FNBP4: variants seen among roughly 807,000 people sequenced by gnomAD.
FNBP4 encodes formin-binding protein 4.
FNBP4 carries 34 observed loss-of-function variants against 119.3 expected under a neutral mutation model. The observed-to-expected ratio is 0.28, with a 90% CI of 0.22 to 0.38. The LOEUF (loss-of-function observed/expected upper bound fraction) is 0.38. Among genes scored for constraint, FNBP4 ranks in the 10% least tolerant of loss-of-function variants. The pLI is 1.00. For synonymous variants in FNBP4, 462 were observed against 430.6 expected, an observed-to-expected ratio of 1.07 and a Z score of -0.90; for missense variants, 1,112 against 1,228.9, an observed-to-expected ratio of 0.90 and a Z score of 1.42.
At chr11:47,738,847 A>ATTTTTTTTTTTTTTTTTTTTT (rs71045510) in intron 8 of FNBP4, among the ~76,000 whole-genome samples, 7 of 110,988 alleles carry the variant, frequency 6.3e-5, no homozygotes, top group East Asian at 2.8e-4. Context: ...TGCCCAGGTA[A>ATTTTTTTTTTTTTTTTTTTTT]TTTTTTTTTT....
chr11:47,734,766 A>G (rs2097571672), intron 9 of FNBP4, among the ~76,000 whole-genome samples: 1 of 151,860 alleles, frequency 6.6e-6, no homozygotes, highest in South Asian at 2.1e-4. Context: ...CAAGGTCAAT[A>G]GATAGAGACC....
intron 12 of FNBP4, 103 bp downstream of exon 12, chr11:47,731,270 GA>G (rs2097567074): frequency 5.2e-6 from 6 of 1,144,580 alleles, no homozygotes; most frequent in Non-Finnish European, 7.2e-6. Context: ...TTCTCAATCA[GA>G]AGCTTATATT....
Position 47,734,025 on chromosome 11 carries a change from C to G in FNBP4, c.1686G>C (p.Glu562Asp), listed in dbSNP as rs1264833358. The G allele has an allele frequency of 7.1e-7, 1 of 1,399,816 alleles. No individual in the cohort carries two copies. The highest frequency in any genetic ancestry group is 2.4e-5 in the East Asian group (1 of 41,662). 86.7% of individuals were successfully genotyped at this position (1,399,816 alleles called of 1,614,324 possible). A position where few individuals can be genotyped will look rare whatever the true frequency, so the allele number is the denominator to read the frequency against. ...SNFHVLLLQT[E>D]TRIADWREGA... ...CAAAAAAAAAAAAAAAAAGACTTACCTCAGTCTGTAAGAGCAGCACATGAA... is the reference window on the plus strand; with the variant it reads ...CAAAAAAAAAAAAAAAAAGACTTACGTCAGTCTGTAAGAGCAGCACATGAA... Residue 562 changes from glutamate (E) to aspartate (D), a missense_variant and splice_region_variant, in exon 10 of 17, where the codon GAG (glutamate) becomes GAC (aspartate). Around this residue, in one of 2 missense-constraint regions of FNBP4, gnomAD observed 826 missense variants for 988.8 expected, o/e 0.84. Coordinates refer to ENST00000263773, the MANE Select transcript of FNBP4 (RefSeq NM_015308.5).
At chr11:47,736,804 T>C in intron 8 of FNBP4, 64 bp from the exon 9 acceptor site, 2 of 1,389,098 alleles carry the variant, frequency 1.4e-6, no homozygotes, top group Non-Finnish European at 2.0e-6. Flanking sequence ...ATATACCTTT[T>C]CCCCCATAGC....
intron 16 of FNBP4, among the ~76,000 whole-genome samples, chr11:47,718,054 CTTAT>C (rs954890315): frequency 7.2e-5 from 11 of 151,884 alleles, no homozygotes; most frequent in Non-Finnish European, 1.5e-4. Flanking sequence ...CGTGCCCGGC[CTTAT>C]TTATTTTATA....
At chr11:47,751,544 G>A (rs2097604008) in intron 4 of FNBP4, among the ~76,000 whole-genome samples, 1 of 151,720 alleles carries the variant, frequency 6.6e-6, no homozygotes, top group South Asian at 2.1e-4. Context: ...GACAGACATT[G>A]TCAAATATCC....
At chr11:47,751,397 C>T in intron 4 of FNBP4, 107 bp from the exon 5 acceptor site, 1 of 1,303,596 alleles carries the variant, frequency 7.7e-7, no homozygotes, top group South Asian at 1.3e-5. Context: ...GCACTGTTAA[C>T]TTTTGGGCAC....
In FNBP4 at chr11:47,765,374, A is replaced by AAAAAAG. The variant is rs1554991224; in HGVS notation, c.221-13_221-12insCTTTTT. ...CGCTTCCTGTTCATCTGGATTAAAA[A>AAAAAAG]AAAAGAAAAGAAAAGAAAAGAAAAG... is the stretch of plus-strand genomic sequence containing the variant. On this transcript the variant is annotated splice_polypyrimidine_tract_variant and intron_variant, in intron 1 of 16. Coordinates refer to ENST00000263773, the MANE Select transcript of FNBP4 (RefSeq NM_015308.5). 41 of 1,033,422 alleles carry AAAAAAG rather than the reference A, an allele frequency of 4.0e-5. No homozygotes were observed. Among genetic ancestry groups the AAAAAAG allele is most frequent in the South Asian group, 1.0e-4 (7 of 69,382 alleles). 64.0% of individuals were successfully genotyped at this position (1,033,422 alleles called of 1,614,324 possible). A position where few individuals can be genotyped will look rare whatever the true frequency, so the allele number is the denominator to read the frequency against.
intron 16 of FNBP4, among the ~76,000 whole-genome samples, chr11:47,717,886 G>A (rs1322889513): frequency 6.6e-6 from 1 of 151,020 alleles, no homozygotes; most frequent in African/African-American, 2.4e-5. Context: ...CAGAGTAGCT[G>A]GGATTACAGG....
chr11:47,729,194 T>TC (rs1453929812), intron 12 of FNBP4: 4 of 985,010 alleles, frequency 4.1e-6, no homozygotes, highest in Non-Finnish European at 4.8e-6. Context: ...TCCTTAATTT[T>TC]CCCCCCAAAG....
At chr11:47,749,096 A>AAAAC (rs10688485) in intron 6 of FNBP4, among the ~76,000 whole-genome samples, 59,250 of 149,282 alleles carry the variant, frequency 0.4, 12,184 homozygotes, top group African/African-American at 0.49. Flanking sequence ...CGTCTCTCAA[A>AAAAC]AAACAAACAA....
At chr11:47,733,182 C>T (rs2097569504) in intron 10 of FNBP4, among the ~76,000 whole-genome samples, 2 of 152,208 alleles carry the variant, frequency 1.3e-5, no homozygotes. Context: ...TATATTTTAA[C>T]ACTACCAACT....
At chr11:47,740,205 G>A (rs570764866) in intron 8 of FNBP4, among the ~76,000 whole-genome samples, 4 of 151,790 alleles carry the variant, frequency 2.6e-5, no homozygotes, top group East Asian at 4.0e-4. Flanking sequence ...ACCTGAGGTC[G>A]GGAGTTCGAG....
chr11:47,747,704 C>T (rs527384119), intron 6 of FNBP4, among the ~76,000 whole-genome samples: 5 of 152,242 alleles, frequency 3.3e-5, no homozygotes, highest in South Asian at 2.1e-4. Context: ...AATTCCAGCA[C>T]TTTGGGAGGC....
Position 47,767,262 on chromosome 11 carries a change from G to C in FNBP4, c.27C>G (p.Pro9=). MGKKSRAV[P]GRRPILQLSP... ...AGAGTTGCAGGATGGGCCTACGGCC[G>C]GGTACCGCCCGGGACTTCTTCCCCA... Residue 9 remains proline, a synonymous_variant, in exon 1 of 17, where the codon CCC becomes CCG. Coordinates refer to ENST00000263773, the MANE Select transcript of FNBP4 (RefSeq NM_015308.5). 2 of 1,553,406 alleles carry C rather than the reference G, an allele frequency of 1.3e-6. No individual in the cohort carries two copies. The highest frequency in any genetic ancestry group is 1.7e-6 in the Non-Finnish European group (2 of 1,158,304).
At position 47,744,015 on chromosome 11, in the gene FNBP4, G is replaced by A; in HGVS notation, c.1394C>T (p.Pro465Leu). The change falls in exon 8 of 17, where the codon CCA becomes CTA. Residue 465 changes from proline to leucine, a missense_variant. Physicochemically the swap from Pro to Leu is moderately conservative, Grantham distance 98. Around this residue, in one of 2 missense-constraint regions of FNBP4, gnomAD observed 826 missense variants for 988.8 expected, o/e 0.84. Coordinates refer to ENST00000263773, the MANE Select transcript of FNBP4 (RefSeq NM_015308.5). ...KWKMFVRATS[P>L]ESTSRSSSKT... is the part of the protein sequence containing the mutation. The stretch of plus-strand genomic sequence containing the variant: ...ACTAGAACTCCTACTGGTAGATTCT[G>A]GACTGGTAGCTCGAACAAACATCTT... 1 of 1,614,104 alleles carries A rather than the reference G, an allele frequency of 6.2e-7. No homozygotes were observed. The highest frequency in any genetic ancestry group is 2.2e-5 in the East Asian group (1 of 44,882).
chr11:47,759,356 C>T (rs2097627760), intron 2 of FNBP4, among the ~76,000 whole-genome samples: 1 of 150,972 alleles, frequency 6.6e-6, no homozygotes, highest in Admixed American at 6.6e-5. Context: ...GGATTATAGG[C>T]GTGCACCACC....
rs774728678 is a variant in FNBP4, at chr11:47,725,698, G to A, written c.2009-920C>T. 1,358 of 781,258 alleles carry A rather than the reference G, an allele frequency of 1.7e-3. 4 individuals carry two copies. The highest frequency in any genetic ancestry group is 2.0e-3 in the Non-Finnish European group (1,317 of 643,948). 48.4% of individuals were successfully genotyped at this position (781,258 alleles called of 1,614,324 possible). A position where few individuals can be genotyped will look rare whatever the true frequency, so the allele number is the denominator to read the frequency against. ...TTGATTACTGTCTTTTCTCTGCTGG[G>A]AAAACCTTTAAAGATTAGAGAAAAT... On this transcript the variant is annotated intron_variant, in intron 12 of 16. Transcript: ENST00000263773.
At chr11:47,761,772 AAAC>A (rs1565168157) in intron 2 of FNBP4, among the ~76,000 whole-genome samples, 1 of 152,180 alleles carries the variant, frequency 6.6e-6, no homozygotes, top group Non-Finnish European at 1.5e-5. Context: ...ATTTTATTAA[AAAC>A]AACAACAAAG....
Sources: allele counts gnomAD v4.1 joint callset (sites outside exome capture counted in the v4.1 genomes callset), GRCh38; gene constraint gnomAD v4.1.1; regional missense constraint gnomAD v4.1.1; transcripts MANE v1.5; gene names NCBI Gene and HGNC (gene_info 2026-07-23, HGNC 2026-07-21).